ASIC2: variants seen among roughly 807,000 people sequenced by gnomAD.
ASIC2 encodes acid sensing ion channel subunit 2, also known as acid-sensing ion channel 2.
Under a neutral mutation model 57.3 loss-of-function variants are expected in ASIC2, and 25 were observed. That is an observed-to-expected ratio of 0.44 (90% CI 0.32 to 0.61). The LOEUF (loss-of-function observed/expected upper bound fraction) is 0.61. ASIC2 is among the 20% of genes least tolerant of loss of function. The pLI, the probability that ASIC2 is intolerant of heterozygous loss-of-function variation, is 0.06. For synonymous variants in ASIC2, 319 were observed against 307.5 expected (o/e 1.04, Z -0.39); for missense variants, 641 against 738.1 (o/e 0.87, Z 1.52).
At chr17:33,972,720 C>T (rs1182710712) in intron 1 of ASIC2, among the ~76,000 whole-genome samples, 1 of 152,350 alleles carries the variant, frequency 6.6e-6, no homozygotes, top group East Asian at 1.9e-4. Context: ...TGCCACATGG[C>T]TAATCCTCAA....
At chr17:33,516,104 C>CCAAAACAAAACAAAACAAAA (rs111917283) in intron 1 of ASIC2, among the ~76,000 whole-genome samples, 6 of 144,516 alleles carry the variant, frequency 4.2e-5, no homozygotes, top group African/African-American at 1.3e-4. Context: ...GATTCTGTCT[C>CCAAAACAAAACAAAACAAAA]CAAAACAAAA....
rs550537233 is a variant in ASIC2, at chr17:33,014,760, T to A, written c.1591-694A>T. Among the ~76,000 whole-genome samples, 98 of 151,864 alleles carry A rather than the reference T, an allele frequency of 6.5e-4. 1 individual carries two copies. The highest frequency in any genetic ancestry group is 7.8e-4 in the Non-Finnish European group (53 of 67,946). The stretch of plus-strand genomic sequence containing the variant: ...CACAACTAGGGGAGGAGAAACAGGG[T>A]GGAGAAGAGGCTGTGACGCTGAGAC... On this transcript the variant is annotated intron_variant, in intron 9 of 9. Transcript: ENST00000225823.
At chr17:33,306,571 C>T (rs1412918146) in intron 1 of ASIC2, among the ~76,000 whole-genome samples, 1 of 152,178 alleles carries the variant, frequency 6.6e-6, no homozygotes, top group Non-Finnish European at 1.5e-5. Context: ...TTCCATCCAT[C>T]ACCAAGGGCT....
chr17:33,727,202 A>T (rs1356951628), intron 1 of ASIC2, among the ~76,000 whole-genome samples: 3 of 152,194 alleles, frequency 2.0e-5, no homozygotes, highest in African/African-American at 7.2e-5. Context: ...CTATAGCTAA[A>T]AAAAGAAGAA....
At chr17:33,126,096 C>T (rs1026397333) in intron 1 of ASIC2, among the ~76,000 whole-genome samples, 6 of 152,208 alleles carry the variant, frequency 3.9e-5, no homozygotes, top group South Asian at 2.1e-4. Flanking sequence ...GTTCTCACAA[C>T]AAACTTGCAA....
chr17:34,083,798 G>C (rs1329344112), intron 1 of ASIC2, among the ~76,000 whole-genome samples: 2 of 152,122 alleles, frequency 1.3e-5, no homozygotes, highest in African/African-American at 4.8e-5. Context: ...TTTCATGTGT[G>C]TTTTGGCTGC....
At chr17:33,997,662 C>T (rs768345027) in intron 1 of ASIC2, among the ~76,000 whole-genome samples, 1 of 152,072 alleles carries the variant, frequency 6.6e-6, no homozygotes, top group Non-Finnish European at 1.5e-5. Context: ...TCTGTGAATG[C>T]GGTGTATCAC....
chr17:34,119,768 C>T (rs1451065935), intron 1 of ASIC2, among the ~76,000 whole-genome samples: 1 of 152,180 alleles, frequency 6.6e-6, no homozygotes, highest in Admixed American at 6.5e-5. Context: ...GGACTACAAG[C>T]TCCTGTCCAG....
At chr17:33,750,809 C>A (rs1011339224) in intron 1 of ASIC2, among the ~76,000 whole-genome samples, 2 of 152,130 alleles carry the variant, frequency 1.3e-5, no homozygotes, top group South Asian at 2.1e-4. Context: ...TTCCTACTTA[C>A]ACCCAACCAG....
intron 1 of ASIC2, among the ~76,000 whole-genome samples, chr17:33,697,369 GT>G (rs528375167): frequency 3.0e-4 from 46 of 152,272 alleles, no homozygotes; most frequent in African/African-American, 1.0e-3. Flanking sequence ...AAGCAGGTTG[GT>G]CTTGCTGTCT....
intron 1 of ASIC2, among the ~76,000 whole-genome samples, chr17:33,879,949 A>T (rs1453224559): frequency 1.3e-5 from 2 of 152,162 alleles, no homozygotes; most frequent in East Asian, 1.9e-4. Context: ...GGATTAAGAA[A>T]CTCACTCAAA....
chr17:33,828,341 T>C (rs1297269765), intron 1 of ASIC2: 1 of 152,166 alleles, frequency 6.6e-6, no homozygotes, highest in African/African-American at 2.4e-5. Flanking sequence ...GGGGTTGGGA[T>C]GAGAGGGCCA....
In ASIC2 at chr17:33,299,405, C is replaced by G. The variant is rs112133878; in HGVS notation, c.556-187338G>C. On this transcript the variant is annotated intron_variant, in intron 1 of 9. Transcript: ENST00000359872. ...TGGAAGGAGAGAGAGGACTTCTCCC[C>G]TGCGGTTTTACTCATTGCACATGGA... Among the ~76,000 whole-genome samples the G allele has an allele frequency of 7.9e-4, 121 of 152,322 alleles. 2 individuals are homozygous for G. Among genetic ancestry groups the G allele is most frequent in the African/African-American group, 2.9e-3 (120 of 41,574 alleles).
chr17:33,395,536 T>A (rs1910045288), intron 1 of ASIC2, among the ~76,000 whole-genome samples: 1 of 152,198 alleles, frequency 6.6e-6, no homozygotes, highest in South Asian at 2.1e-4. Flanking sequence ...CCACAACATG[T>A]GGGAATTCGA....
At chr17:33,921,305 G>T (rs1231608952) in intron 1 of ASIC2, among the ~76,000 whole-genome samples, 1 of 152,124 alleles carries the variant, frequency 6.6e-6, no homozygotes, top group Non-Finnish European at 1.5e-5. Flanking sequence ...GATGTGAAGA[G>T]TAAATAAAAT....
chr17:33,881,855 A>G (rs531123103), intron 1 of ASIC2, among the ~76,000 whole-genome samples: 1 of 152,326 alleles, frequency 6.6e-6, no homozygotes, highest in Admixed American at 6.5e-5. Context: ...CCTGACTTCA[A>G]ACTATACTGC....
intron 1 of ASIC2, among the ~76,000 whole-genome samples, chr17:33,824,336 TCTC>T (rs1912841498): frequency 6.6e-6 from 1 of 152,122 alleles, no homozygotes. Context: ...TTAAAAGAAA[TCTC>T]CTGATGACCA....
At chr17:33,145,602 T>A (rs1904528417) in intron 1 of ASIC2, among the ~76,000 whole-genome samples, 2 of 152,224 alleles carry the variant, frequency 1.3e-5, no homozygotes, top group South Asian at 4.1e-4. Context: ...TTGTTTCAAA[T>A]TCCTTACCTA....
intron 1 of ASIC2, among the ~76,000 whole-genome samples, chr17:33,799,442 C>CTTA (rs778397261): frequency 2.5e-4 from 17 of 68,154 alleles, no homozygotes; most frequent in African/African-American, 1.0e-3. Context: ...TTCTTTCTTT[C>CTTA]TTTCTTTCTT....
Sources: allele counts gnomAD v4.1 joint callset (sites outside exome capture counted in the v4.1 genomes callset), GRCh38; gene constraint gnomAD v4.1.1; transcripts MANE v1.5; gene names NCBI Gene and HGNC (gene_info 2026-07-23, HGNC 2026-07-21).